The following CEP83 variants were observed in gnomAD, a reference collection of about 807,000 sequenced individuals.
CEP83 encodes centrosomal protein 83.
CEP83 carries 70 observed loss-of-function variants against 101.9 expected under a neutral mutation model. That is an observed-to-expected ratio of 0.69 (90% CI 0.57 to 0.84). The LOEUF (loss-of-function observed/expected upper bound fraction) is 0.84. Ranked by LOEUF, CEP83 falls within the 40% of genes least tolerant of loss-of-function variation. CEP83 has a pLI of 0.00. For missense variants in CEP83, 715 were observed against 787.2 expected, an observed-to-expected ratio of 0.91 and a Z score of 1.10; for synonymous variants, 264 against 267.9, an observed-to-expected ratio of 0.99 and a Z score of 0.14.
At chr12:94,387,942 G>T (rs2062252013) in intron 6 of CEP83, among the ~76,000 whole-genome samples, 1 of 152,128 alleles carries the variant, frequency 6.6e-6, no homozygotes, top group African/African-American at 2.4e-5. Flanking sequence ...ACAGATGCTA[G>T]CAAGGCTGCA....
chr12:94,421,810 C>A (rs957908488), intron 2 of CEP83, among the ~76,000 whole-genome samples: 1 of 152,160 alleles, frequency 6.6e-6, no homozygotes, highest in African/African-American at 2.4e-5. Context: ...TGTTACTGTA[C>A]TAAATATTGG....
At chr12:94,267,079 G>T in the CEP83 span, among the ~76,000 whole-genome samples, 3 of 152,164 alleles carry the variant, frequency 2.0e-5, no homozygotes. Flanking sequence ...GCTGATCCTG[G>T]GCTTGTTATT....
intron 13 of CEP83, 108 bp from the exon 14 acceptor site, chr12:94,331,937 A>G: frequency 4.1e-6 from 4 of 979,984 alleles, no homozygotes; most frequent in Non-Finnish European, 4.6e-6. Flanking sequence ...CACATTCTTA[A>G]TTATCCAACT....
chr12:94,304,187 G>A (rs1423246106), downstream of CEP83: 8 of 617,476 alleles, frequency 1.3e-5, no homozygotes, highest in Admixed American at 3.0e-5. Flanking sequence ...TCTGAGATGG[G>A]GGATCCTGGC....
chr12:94,396,259 C>A (rs1248015488), intron 6 of CEP83, among the ~76,000 whole-genome samples: 2 of 147,542 alleles, frequency 1.4e-5, no homozygotes, highest in African/African-American at 5.0e-5. Flanking sequence ...TATGTTCTTA[C>A]AGTCACATGA....
intron 1 of CEP83, among the ~76,000 whole-genome samples, chr12:94,449,779 TA>T (rs71071787): frequency 2.6e-3 from 125 of 48,560 alleles, no homozygotes; most frequent in South Asian, 0.015. Context: ...TCTCAAACAA[TA>T]AAAAAAAAAA....
chr12:94,380,957 T>C (rs2061817021), intron 6 of CEP83, among the ~76,000 whole-genome samples: 1 of 152,204 alleles, frequency 6.6e-6, no homozygotes, highest in Non-Finnish European at 1.5e-5. Context: ...TTAGATTCCA[T>C]GTTTATAACT....
At chr12:94,424,273 C>G in intron 2 of CEP83, 1 of 1,614,216 alleles carries the variant, frequency 6.2e-7, no homozygotes, top group South Asian at 1.1e-5. Flanking sequence ...GTCCATTTTG[C>G]ACAAATATTC....
At chr12:94,422,570 A>C (rs1270796039) in intron 2 of CEP83, among the ~76,000 whole-genome samples, 1 of 152,168 alleles carries the variant, frequency 6.6e-6, no homozygotes, top group Admixed American at 6.5e-5. Context: ...TTTCATCAAG[A>C]TATAAAACAG....
intron 6 of CEP83, among the ~76,000 whole-genome samples, chr12:94,380,381 G>T (rs780440241): frequency 6.6e-6 from 1 of 152,140 alleles, no homozygotes; most frequent in Non-Finnish European, 1.5e-5. Flanking sequence ...ATATTATTTT[G>T]CAGAGAATAA....
intron 11 of CEP83, among the ~76,000 whole-genome samples, chr12:94,366,547 G>A (rs1167348232): frequency 1.3e-5 from 2 of 152,134 alleles, no homozygotes; most frequent in African/African-American, 4.8e-5. Context: ...AGTATGAAAA[G>A]AGGAAGACCA....
chr12:94,398,549 A>G (rs2063046192), intron 6 of CEP83, among the ~76,000 whole-genome samples: 2 of 152,206 alleles, frequency 1.3e-5, no homozygotes, highest in South Asian at 2.1e-4. Flanking sequence ...CAGGACCACT[A>G]TAACTGTGTT....
intron 7 of CEP83, among the ~76,000 whole-genome samples, chr12:94,376,544 T>C (rs1420441519): frequency 1.3e-5 from 2 of 152,030 alleles, no homozygotes; most frequent in Non-Finnish European, 2.9e-5. Context: ...CTTGATCTCA[T>C]GACACAATTA....
At chr12:94,282,215 A>T in the CEP83 span, 1 of 879,566 alleles carries the variant, frequency 1.1e-6, no homozygotes, top group Non-Finnish European at 1.9e-6. Flanking sequence ...ACTTTATTCA[A>T]GTTTTAGTTA....
chr12:94,354,006 T>A (rs1489894643), intron 11 of CEP83, among the ~76,000 whole-genome samples: 1 of 152,128 alleles, frequency 6.6e-6, no homozygotes, highest in East Asian at 1.9e-4. Flanking sequence ...AATATAATTA[T>A]TATCTAAGGG....
intron 6 of CEP83, among the ~76,000 whole-genome samples, chr12:94,380,215 G>A (rs1401272780): frequency 6.6e-6 from 1 of 152,024 alleles, no homozygotes; most frequent in African/African-American, 2.4e-5. Context: ...TCCACCCCAG[G>A]GCAGGATCTG....
chr12:94,442,291 C>T (rs1049372986), intron 1 of CEP83, among the ~76,000 whole-genome samples: 8 of 151,562 alleles, frequency 5.3e-5, no homozygotes, highest in Non-Finnish European at 1.0e-4. Context: ...AACACCGTAT[C>T]TTCTCACAAG....
Position 94,326,196 on chromosome 12 carries a change from C to G in CEP83, c.1707+5504G>C, listed in dbSNP as rs183524037. On this transcript the variant is annotated intron_variant, in intron 14 of 16. Transcript: ENST00000397809. Reference sequence around the variant, plus strand: ...TGACTTGCTGGGAGGGTGGCTCACACAGAGAGGGCATGGAGGCTCTGCACC... The same window carrying G: ...TGACTTGCTGGGAGGGTGGCTCACAGAGAGAGGGCATGGAGGCTCTGCACC... Among the ~76,000 whole-genome samples, 71 of 152,304 alleles carry G rather than the reference C, an allele frequency of 4.7e-4. No homozygotes were observed. In the East Asian group the frequency reaches 0.013, roughly 27 times the overall value.
At chr12:94,347,330 C>T (rs2059988864) in intron 11 of CEP83, among the ~76,000 whole-genome samples, 1 of 151,824 alleles carries the variant, frequency 6.6e-6, no homozygotes, top group African/African-American at 2.4e-5. Flanking sequence ...GTCACAGAGA[C>T]AATAAAATTA....
Sources: gnomAD v4.1 joint callset for allele counts (sites outside exome capture counted in the v4.1 genomes callset) on GRCh38, gnomAD v4.1.1 for gene constraint, MANE v1.5 for transcripts, NCBI Gene and HGNC (gene_info 2026-07-23, HGNC 2026-07-21) for gene names.